The following REDIC1 variants were observed in gnomAD, a reference collection of about 807,000 sequenced individuals.
REDIC1 encodes the protein HEI10 Interacting Protein 1.
the REDIC1 span, among the ~76,000 whole-genome samples, chr12:39,783,574 G>A: frequency 2.6e-5 from 4 of 152,202 alleles, no homozygotes; most frequent in African/African-American, 9.7e-5. Flanking sequence ...TAACTGGTGA[G>A]AGATGGTATC....
the REDIC1 span, among the ~76,000 whole-genome samples, chr12:39,724,115 G>A: frequency 6.6e-6 from 1 of 152,104 alleles, no homozygotes; most frequent in Admixed American, 6.6e-5. Flanking sequence ...GTACCAGAGT[G>A]TTAATGCTGT....
chr12:39,903,857 G>C, the REDIC1 span, among the ~76,000 whole-genome samples: 3 of 152,054 alleles, frequency 2.0e-5, no homozygotes, highest in African/African-American at 7.2e-5. Context: ...AGATTGAGTG[G>C]CCTCTTATAT....
chr12:39,810,333 T>G, the REDIC1 span, among the ~76,000 whole-genome samples: 1 of 152,230 alleles, frequency 6.6e-6, no homozygotes, highest in African/African-American at 2.4e-5. Context: ...TTGCCAATTG[T>G]TAGTAATAGA....
At chr12:39,682,395 C>T in the REDIC1 span, among the ~76,000 whole-genome samples, 7 of 151,866 alleles carry the variant, frequency 4.6e-5, no homozygotes, top group East Asian at 1.4e-3. Flanking sequence ...AAAAACTGGC[C>T]GTAGATTATT....
At chr12:39,747,747 G>A in the REDIC1 span, among the ~76,000 whole-genome samples, 1 of 152,204 alleles carries the variant, frequency 6.6e-6, no homozygotes, top group Non-Finnish European at 1.5e-5. Context: ...AACTCTACAA[G>A]CCAGAAGAGA....
the REDIC1 span, among the ~76,000 whole-genome samples, chr12:39,778,835 C>A: frequency 6.6e-6 from 1 of 152,208 alleles, no homozygotes; most frequent in African/African-American, 2.4e-5. Context: ...AACCATTTAG[C>A]AACATCTATA....
At chr12:39,852,071 T>A in the REDIC1 span, among the ~76,000 whole-genome samples, 1 of 152,172 alleles carries the variant, frequency 6.6e-6, no homozygotes, top group African/African-American at 2.4e-5. Context: ...AAAACACAGG[T>A]GTGTGTGAGG....
the REDIC1 span, among the ~76,000 whole-genome samples, chr12:39,714,198 TGTATATACATGCATATAC>T: frequency 0.013 from 1,041 of 79,214 alleles, 70 homozygotes; most frequent in Middle Eastern, 0.043. Flanking sequence ...TATGTATATA[TGTATATACATGCATATAC>T]GTATATGCAT....
the REDIC1 span, among the ~76,000 whole-genome samples, chr12:39,702,274 T>C: frequency 1.3e-5 from 2 of 152,004 alleles, no homozygotes; most frequent in African/African-American, 4.8e-5. Flanking sequence ...CCCACAGAAA[T>C]ACAAACTACC....
the REDIC1 span, among the ~76,000 whole-genome samples, chr12:39,783,233 G>A: frequency 7.9e-5 from 12 of 152,168 alleles, no homozygotes; most frequent in Non-Finnish European, 1.8e-4. Context: ...GTATTCCATG[G>A]TGTATATGTG....
the REDIC1 span, among the ~76,000 whole-genome samples, chr12:39,704,827 A>G: frequency 3.1e-3 from 468 of 152,274 alleles, 3 homozygotes; most frequent in African/African-American, 0.011. Flanking sequence ...CAAGAACAAA[A>G]AACCAAACAC....
chr12:39,660,715 T>C, the REDIC1 span, among the ~76,000 whole-genome samples: 1 of 152,096 alleles, frequency 6.6e-6, no homozygotes, highest in Non-Finnish European at 1.5e-5. Context: ...TTTTGTTAAC[T>C]ACAGCACCCT....
chr12:39,862,284 G>C, the REDIC1 span, among the ~76,000 whole-genome samples: 2 of 152,076 alleles, frequency 1.3e-5, no homozygotes, highest in East Asian at 3.9e-4. Context: ...TTTTTGGCCT[G>C]GTATGCAACC....
the REDIC1 span, among the ~76,000 whole-genome samples, chr12:39,887,100 C>T: frequency 6.6e-6 from 1 of 152,108 alleles, no homozygotes; most frequent in African/African-American, 2.4e-5. Context: ...AGTTTATGCA[C>T]GCTACACACA....
chr12:39,676,776 G>A, the REDIC1 span, among the ~76,000 whole-genome samples: 479 of 152,154 alleles, frequency 3.1e-3, 4 homozygotes, highest in South Asian at 7.1e-3. Flanking sequence ...AACCCTACAA[G>A]CCAGAAGGAA....
the REDIC1 span, among the ~76,000 whole-genome samples, chr12:39,719,452 C>A: frequency 2.6e-5 from 4 of 151,772 alleles, no homozygotes; most frequent in African/African-American, 9.7e-5. Context: ...ATGGCAAAAA[C>A]AAATACAAAA....
At chr12:39,712,616 GAT>G in the REDIC1 span, among the ~76,000 whole-genome samples, 8 of 141,588 alleles carry the variant, frequency 5.7e-5, no homozygotes, top group African/African-American at 1.8e-4. Flanking sequence ...TGTATATATA[GAT>G]ATGTGTATAT....
At chr12:39,696,350 C>A in the REDIC1 span, among the ~76,000 whole-genome samples, 1 of 150,366 alleles carries the variant, frequency 6.7e-6, no homozygotes, top group Non-Finnish European at 1.5e-5. Context: ...GAGACCATCC[C>A]GGCTAAAACG....
the REDIC1 span, among the ~76,000 whole-genome samples, chr12:39,672,472 G>A: frequency 2.0e-5 from 3 of 152,108 alleles, no homozygotes; most frequent in African/African-American, 7.2e-5. Flanking sequence ...TCAGGCTCTG[G>A]GTAGAGCATG....
Sources: gnomAD v4.1 joint callset for allele counts (sites outside exome capture counted in the v4.1 genomes callset) on GRCh38, gnomAD v4.1.1 for gene constraint, MANE v1.5 for transcripts, NCBI Gene and HGNC (gene_info 2026-07-23, HGNC 2026-07-21) for gene names.